Variants in GALNT17 observed in about 807,000 individuals in gnomAD.
GALNT17 encodes the protein UDP-GalNAc:polypeptide N-acetylgalactosaminyltransferase-like 3.
Under a neutral mutation model 63.7 loss-of-function variants are expected in GALNT17, and 29 were observed. The ratio of observed to expected loss-of-function variants is 0.46; its 90% confidence interval spans 0.34 to 0.62. The LOEUF (loss-of-function observed/expected upper bound fraction) is 0.62. Ranked by LOEUF, GALNT17 falls within the 20% of genes least tolerant of loss-of-function variation. The pLI is 0.01. For missense variants in GALNT17, 603 were observed against 799.6 expected, an observed-to-expected ratio of 0.75 and a Z score of 2.97; for synonymous variants, 305 against 318.3, an observed-to-expected ratio of 0.96 and a Z score of 0.45.
At chr7:71,453,967 A>G (rs1787311037) in intron 5 of GALNT17, among the ~76,000 whole-genome samples, 1 of 152,152 alleles carries the variant, frequency 6.6e-6, no homozygotes, top group African/African-American at 2.4e-5. Context: ...TTCTGGCTCT[A>G]CTCAATGACT....
intron 1 of GALNT17, among the ~76,000 whole-genome samples, chr7:71,215,650 C>T (rs1206625034): frequency 6.6e-6 from 1 of 152,070 alleles, no homozygotes; most frequent in East Asian, 1.9e-4. Context: ...TAAAGCAAAT[C>T]CCAGATACTA....
At chr7:71,620,039 G>A (rs991708303) in intron 6 of GALNT17, among the ~76,000 whole-genome samples, 1 of 152,144 alleles carries the variant, frequency 6.6e-6, no homozygotes, top group South Asian at 2.1e-4. Context: ...TCTGTCTATT[G>A]AGATGATTGT....
At chr7:71,480,552 GC>G (rs1356161523) in intron 5 of GALNT17, among the ~76,000 whole-genome samples, 1 of 152,054 alleles carries the variant, frequency 6.6e-6, no homozygotes, top group Non-Finnish European at 1.5e-5. Context: ...TGTCACCCAG[GC>G]TGGAGTGCAA....
intron 6 of GALNT17, among the ~76,000 whole-genome samples, chr7:71,573,955 C>G (rs1299896343): frequency 6.6e-6 from 1 of 152,226 alleles, no homozygotes; most frequent in South Asian, 2.1e-4. Context: ...TGCATTAATT[C>G]GATTAGGATA....
intron 1 of GALNT17, among the ~76,000 whole-genome samples, chr7:71,285,770 G>A (rs1354392234): frequency 6.6e-6 from 1 of 152,132 alleles, no homozygotes; most frequent in African/African-American, 2.4e-5. Flanking sequence ...TGGTGCCTTG[G>A]TCTTCAACTC....
intron 1 of GALNT17, among the ~76,000 whole-genome samples, chr7:71,220,213 C>A (rs1562926078): frequency 6.6e-6 from 1 of 152,200 alleles, no homozygotes; most frequent in Non-Finnish European, 1.5e-5. Flanking sequence ...CGAATCATGA[C>A]TGGTTGATGT....
intron 1 of GALNT17, among the ~76,000 whole-genome samples, chr7:71,254,620 C>T (rs1038401338): frequency 2.6e-5 from 4 of 152,064 alleles, no homozygotes; most frequent in South Asian, 2.1e-4. Context: ...CATGTCTGAC[C>T]ACCTAATTCC....
intron 5 of GALNT17, among the ~76,000 whole-genome samples, chr7:71,494,896 G>C (rs532244812): frequency 1.3e-5 from 2 of 152,144 alleles, no homozygotes; most frequent in Admixed American, 1.3e-4. Flanking sequence ...ATCAGATCGC[G>C]TGAGACTTAC....
At chr7:71,305,921 A>G (rs926345702) in intron 1 of GALNT17, among the ~76,000 whole-genome samples, 1 of 152,214 alleles carries the variant, frequency 6.6e-6, no homozygotes, top group African/African-American at 2.4e-5. Context: ...ATTTACAATT[A>G]AAAAATTTCT....
intron 6 of GALNT17, among the ~76,000 whole-genome samples, chr7:71,616,311 A>T (rs951082848): frequency 9.2e-5 from 14 of 151,802 alleles, no homozygotes; most frequent in African/African-American, 2.7e-4. Flanking sequence ...CAGAGACTTG[A>T]TTGCTTCTCT....
intron 5 of GALNT17, among the ~76,000 whole-genome samples, chr7:71,491,386 T>C (rs1322381075): frequency 6.6e-6 from 1 of 152,044 alleles, no homozygotes; most frequent in Non-Finnish European, 1.5e-5. Flanking sequence ...CACGACGCCT[T>C]CTCTCCAACA....
At chr7:71,406,016 A>G (rs1355468233) in intron 3 of GALNT17, among the ~76,000 whole-genome samples, 3 of 152,214 alleles carry the variant, frequency 2.0e-5, no homozygotes, top group Admixed American at 1.3e-4. Flanking sequence ...ATAAGGACCC[A>G]GTAAGTATGA....
chr7:71,351,697 C>T (rs1792191508), intron 2 of GALNT17, among the ~76,000 whole-genome samples: 1 of 152,126 alleles, frequency 6.6e-6, no homozygotes. Flanking sequence ...TCAGAGGGTG[C>T]ATGCCCTTGC....
chr7:71,701,308 G>A (rs1034499965), intron 9 of GALNT17, among the ~76,000 whole-genome samples: 2 of 152,030 alleles, frequency 1.3e-5, no homozygotes, highest in Non-Finnish European at 2.9e-5. Context: ...CCAACCTGGT[G>A]AAACCTTGTC....
At chr7:71,208,973 G>T (rs1226649791) in intron 1 of GALNT17, among the ~76,000 whole-genome samples, 1 of 151,964 alleles carries the variant, frequency 6.6e-6, no homozygotes, top group African/African-American at 2.4e-5. Flanking sequence ...GAAACAGGCT[G>T]GAGAGTAAGT....
At chr7:71,710,462 C>T (rs1791776327) in intron 9 of GALNT17, among the ~76,000 whole-genome samples, 1 of 152,024 alleles carries the variant, frequency 6.6e-6, no homozygotes, top group Non-Finnish European at 1.5e-5. Context: ...GAGCTGAGAT[C>T]GTGCCATTGC....
chr7:71,521,429 G>C (rs185623404), intron 5 of GALNT17, among the ~76,000 whole-genome samples: 1 of 152,090 alleles, frequency 6.6e-6, no homozygotes, highest in Non-Finnish European at 1.5e-5. Context: ...ATCTGTCCTG[G>C]ACTACAAAAG....
At chr7:71,469,756 C>A (rs1026605972) in intron 5 of GALNT17, among the ~76,000 whole-genome samples, 2 of 152,198 alleles carry the variant, frequency 1.3e-5, no homozygotes, top group African/African-American at 4.8e-5. Context: ...AAGGAGGTAG[C>A]TTTAGGCTAA....
intron 9 of GALNT17, among the ~76,000 whole-genome samples, chr7:71,699,234 C>T (rs1280424966): frequency 1.3e-5 from 2 of 148,836 alleles, no homozygotes; most frequent in Admixed American, 6.7e-5. Context: ...AATCCCAGCA[C>T]TTCTTGAGGC....
Sources: allele counts gnomAD v4.1 joint callset (sites outside exome capture counted in the v4.1 genomes callset), GRCh38; gene constraint gnomAD v4.1.1; transcripts MANE v1.5; gene names NCBI Gene and HGNC (gene_info 2026-07-23, HGNC 2026-07-21).